BBX: variants seen among roughly 807,000 people sequenced by gnomAD.
BBX encodes the protein HMG box transcription factor BBX.
BBX carries 30 observed loss-of-function variants against 100.2 expected under a neutral mutation model. The observed-to-expected ratio is 0.30, with a 90% confidence interval of 0.22 to 0.41. BBX has a LOEUF of 0.41. BBX is among the 10% of genes least tolerant of loss of function. BBX has a pLI of 1.00. For synonymous variants in BBX, 376 were observed against 388.1 expected (o/e 0.97, Z 0.37); for missense variants, 1,023 against 1,129.8 (o/e 0.91, Z 1.35).
rs145167254 is a variant in BBX, at chr3:107,705,738, C to G, written c.-9-4714C>G. ...GGATTTGCCAACAGTGAACGAGAAT[C>G]TTCTAGACACTGTGCTGGGTATTAC... On this transcript the variant is annotated intron_variant, in intron 3 of 17. Coordinates refer to ENST00000325805, the MANE Select transcript of BBX (RefSeq NM_001142568.3). Among the ~76,000 whole-genome samples the G allele has an allele frequency of 3.1e-3, 466 of 152,278 alleles. 2 individuals carry two copies. Among genetic ancestry groups the G allele is most frequent in the Non-Finnish European group, 5.1e-3 (344 of 68,028 alleles).
At chr3:107,701,200 A>T (rs1218422193) in intron 3 of BBX, among the ~76,000 whole-genome samples, 1 of 152,280 alleles carries the variant, frequency 6.6e-6, no homozygotes, top group Non-Finnish European at 1.5e-5. Flanking sequence ...AGTGATGATG[A>T]GCATTTTTTC....
At chr3:107,660,792 G>T (rs2107855637) in intron 3 of BBX, among the ~76,000 whole-genome samples, 1 of 152,232 alleles carries the variant, frequency 6.6e-6, no homozygotes, top group Non-Finnish European at 1.5e-5. Flanking sequence ...GAGTTTAAGT[G>T]CCCCTCAAAA....
chr3:107,572,326 C>T (rs1008693867), intron 2 of BBX, among the ~76,000 whole-genome samples: 2 of 152,014 alleles, frequency 1.3e-5, no homozygotes, highest in Admixed American at 6.5e-5. Flanking sequence ...TAAATGTGAG[C>T]AATTAACTCT....
chr3:107,656,159 A>G (rs2107832585), intron 3 of BBX, among the ~76,000 whole-genome samples: 1 of 151,158 alleles, frequency 6.6e-6, no homozygotes, highest in Middle Eastern at 3.4e-3. Flanking sequence ...TTAACATTTC[A>G]TAATTGGTCC....
intron 3 of BBX, among the ~76,000 whole-genome samples, chr3:107,694,120 T>A (rs1489644215): frequency 1.6e-5 from 2 of 125,382 alleles, no homozygotes; most frequent in African/African-American, 6.5e-5. Context: ...TTTCTAGATA[T>A]ACAATCATGT....
At chr3:107,630,901 A>C (rs572913513) in intron 2 of BBX, among the ~76,000 whole-genome samples, 3 of 152,296 alleles carry the variant, frequency 2.0e-5, no homozygotes, top group African/African-American at 7.2e-5. Flanking sequence ...AGGAACTGTC[A>C]AAAGCCATGC....
chr3:107,597,797 C>G (rs1259530978), intron 2 of BBX, among the ~76,000 whole-genome samples: 2 of 152,206 alleles, frequency 1.3e-5, no homozygotes, highest in Non-Finnish European at 2.9e-5. Context: ...CACTTTTTCA[C>G]CAACAGTATT....
In BBX at chr3:107,744,490, T is replaced by C; in HGVS notation, c.670-140T>C. The C allele has an allele frequency of 4.6e-6, 3 of 649,640 alleles. No homozygotes were observed. The East Asian group carries it at 8.4e-5, about 18-fold the overall frequency. The allele number at this position is 649,640 out of a possible 1,614,324, so 40.2% of individuals were successfully genotyped here. A position where few individuals can be genotyped will look rare whatever the true frequency, so the allele number is the denominator to read the frequency against. ...GAGATAAAAGAGGAAATGTATATCC[T>C]GAGAAAAATACTTGATTAAAAAGTG... On this transcript the variant is annotated intron_variant, in intron 7 of 17. Coordinates refer to ENST00000325805, the MANE Select transcript of BBX (RefSeq NM_001142568.3).
At chr3:107,588,786 A>G (rs2053059300) in intron 2 of BBX, among the ~76,000 whole-genome samples, 1 of 152,236 alleles carries the variant, frequency 6.6e-6, no homozygotes, top group Non-Finnish European at 1.5e-5. Flanking sequence ...AACATGTTTT[A>G]AAGGCAGTAT....
At chr3:107,546,785 T>C (rs779046092) in intron 2 of BBX, among the ~76,000 whole-genome samples, 3 of 152,220 alleles carry the variant, frequency 2.0e-5, no homozygotes, top group Non-Finnish European at 4.4e-5. Context: ...TATTTCTTTA[T>C]AAATGTAATA....
chr3:107,687,136 G>C (rs557025383), intron 3 of BBX, among the ~76,000 whole-genome samples: 1 of 152,112 alleles, frequency 6.6e-6, no homozygotes, highest in Non-Finnish European at 1.5e-5. Context: ...CATCAGAAAT[G>C]TTTAAAATGT....
chr3:107,764,184 G>A (rs960000446), intron 10 of BBX, among the ~76,000 whole-genome samples: 4 of 152,050 alleles, frequency 2.6e-5, no homozygotes, highest in Non-Finnish European at 5.9e-5. Context: ...TAGAGACAGG[G>A]TTTCACCGTG....
intron 15 of BBX, among the ~76,000 whole-genome samples, chr3:107,794,699 C>G (rs908558324): frequency 6.6e-6 from 1 of 152,204 alleles, no homozygotes; most frequent in Non-Finnish European, 1.5e-5. Context: ...ACTGCTGTTT[C>G]AGCTCATGGG....
chr3:107,752,049 C>T lies in BBX; in HGVS notation c.826-3549C>T, dbSNP rs138391050. 5.1e-4 allele frequency among the ~76,000 whole-genome samples: 77 copies of T among 152,348 alleles called. 1 individual carries two copies. In the East Asian group the frequency reaches 0.012, roughly 24 times the overall value. ...AAAAGCCATGACCAATCCACATATT[C>T]TCTGATCTGCTCTGTGGCTCACTCT... On this transcript the variant is annotated intron_variant, in intron 9 of 17. Transcript: ENST00000325805.
intron 16 of BBX, among the ~76,000 whole-genome samples, chr3:107,800,861 C>T (rs548499567): frequency 1.3e-5 from 2 of 152,368 alleles, no homozygotes; most frequent in Non-Finnish European, 2.9e-5. Flanking sequence ...AACACAGCTT[C>T]TCTTCAGCTC....
chr3:107,749,635 C>CTTT (rs1236776971), intron 9 of BBX, among the ~76,000 whole-genome samples: 3 of 141,648 alleles, frequency 2.1e-5, no homozygotes, highest in Admixed American at 7.1e-5. Flanking sequence ...TGTATGACCT[C>CTTT]TTTTTTTTTT....
intron 3 of BBX, among the ~76,000 whole-genome samples, chr3:107,700,411 CATCATTATTATTATT>C (rs1489954385): frequency 7.1e-4 from 95 of 133,906 alleles, no homozygotes; most frequent in South Asian, 4.4e-3. Context: ...TTTCTTTCAT[CATCATTATTATTATT>C]ATTATTATTA....
intron 2 of BBX, among the ~76,000 whole-genome samples, chr3:107,584,149 AATATATG>A (rs1462416683): frequency 9.9e-5 from 2 of 20,282 alleles, no homozygotes; most frequent in Admixed American, 8.1e-4. Flanking sequence ...TATTATATAT[AATATATG>A]ATATATATAT....
At chr3:107,551,343 A>G (rs924432066) in intron 2 of BBX, among the ~76,000 whole-genome samples, 10 of 152,208 alleles carry the variant, frequency 6.6e-5, no homozygotes, top group African/African-American at 2.4e-4. Flanking sequence ...AAAATTCTTT[A>G]TGATCATCAG....
Sources: gnomAD v4.1 joint callset for allele counts (sites outside exome capture counted in the v4.1 genomes callset) on GRCh38, gnomAD v4.1.1 for gene constraint, MANE v1.5 for transcripts, NCBI Gene and HGNC (gene_info 2026-07-23, HGNC 2026-07-21) for gene names.